The following ARHGAP42 variants were observed in gnomAD, a reference collection of about 807,000 sequenced individuals.
ARHGAP42 encodes the protein rho GTPase-activating protein 42.
A neutral mutation model predicts 125.0 loss-of-function variants in ARHGAP42; 63 were observed. The ratio of observed to expected loss-of-function variants is 0.50; its 90% CI spans 0.41 to 0.62. The LOEUF is 0.62. Ranked by LOEUF, ARHGAP42 falls within the 20% of genes least tolerant of loss-of-function variation. ARHGAP42 has a pLI of 0.00. For synonymous variants in ARHGAP42, 339 were observed against 351.0 expected (o/e 0.97, Z 0.38); for missense variants, 766 against 1,024.2 (o/e 0.75, Z 3.44).
At chr11:100,782,679 G>T (rs1283997568) in intron 2 of ARHGAP42, among the ~76,000 whole-genome samples, 1 of 152,090 alleles carries the variant, frequency 6.6e-6, no homozygotes, top group African/African-American at 2.4e-5. Flanking sequence ...AAAAAAAGAG[G>T]TGAATTTGGA....
At chr11:100,776,294 G>A (rs570949465) in intron 2 of ARHGAP42, among the ~76,000 whole-genome samples, 13 of 152,306 alleles carry the variant, frequency 8.5e-5, no homozygotes, top group East Asian at 1.9e-4. Context: ...GCGATTGTGC[G>A]TAAACAGCTT....
At chr11:100,857,088 A>C (rs968816493) in intron 3 of ARHGAP42, among the ~76,000 whole-genome samples, 25 of 152,140 alleles carry the variant, frequency 1.6e-4, no homozygotes, top group Non-Finnish European at 1.0e-4. Context: ...TTGACGCATT[A>C]GAAACACTCA....
intron 3 of ARHGAP42, among the ~76,000 whole-genome samples, chr11:100,813,780 G>A (rs1392814427): frequency 1.3e-5 from 2 of 152,074 alleles, no homozygotes; most frequent in Non-Finnish European, 2.9e-5. Context: ...GGTATATATT[G>A]CTATATTTTC....
chr11:100,817,464 C>CT (rs1016028330), intron 3 of ARHGAP42, among the ~76,000 whole-genome samples: 13 of 152,018 alleles, frequency 8.6e-5, no homozygotes, highest in Non-Finnish European at 1.5e-4. Context: ...TATCTTTATT[C>CT]TTTTTTGTGC....
chr11:100,750,637 T>C (rs994209442), intron 1 of ARHGAP42, among the ~76,000 whole-genome samples: 4 of 149,580 alleles, frequency 2.7e-5, no homozygotes, highest in Non-Finnish European at 4.4e-5. Context: ...TTAAAGAGAG[T>C]GATGGGGTGA....
At chr11:100,828,306 T>C (rs988138465) in intron 3 of ARHGAP42, among the ~76,000 whole-genome samples, 18 of 152,146 alleles carry the variant, frequency 1.2e-4, no homozygotes, top group Non-Finnish European at 1.5e-5. Context: ...GGAAGAACTC[T>C]TGTGGTTTTG....
intron 4 of ARHGAP42, among the ~76,000 whole-genome samples, chr11:100,908,225 T>G (rs940145513): frequency 6.6e-6 from 1 of 152,228 alleles, no homozygotes; most frequent in Admixed American, 6.5e-5. Context: ...TTATTTCTAT[T>G]TATGATTAAG....
At chr11:100,698,166 C>G (rs1484323579) in intron 1 of ARHGAP42, among the ~76,000 whole-genome samples, 1 of 152,176 alleles carries the variant, frequency 6.6e-6, no homozygotes, top group Non-Finnish European at 1.5e-5. Flanking sequence ...GTTGAGATTA[C>G]AGGCATGAAC....
At chr11:100,904,896 G>T (rs941635874) in intron 4 of ARHGAP42, among the ~76,000 whole-genome samples, 1 of 152,198 alleles carries the variant, frequency 6.6e-6, no homozygotes, top group African/African-American at 2.4e-5. Context: ...GTTCTGGTAT[G>T]CAAACTACTT....
intron 1 of ARHGAP42, among the ~76,000 whole-genome samples, chr11:100,707,872 C>T (rs1242922242): frequency 6.6e-6 from 1 of 152,154 alleles, no homozygotes; most frequent in East Asian, 1.9e-4. Context: ...TTTATTTCCT[C>T]CAGATAGCTG....
chr11:100,872,985 G>A (rs1565252626), intron 4 of ARHGAP42, among the ~76,000 whole-genome samples: 1 of 152,132 alleles, frequency 6.6e-6, no homozygotes, highest in Non-Finnish European at 1.5e-5. Flanking sequence ...CCTGAAGTAT[G>A]CCCATCATAT....
intron 4 of ARHGAP42, among the ~76,000 whole-genome samples, chr11:100,877,986 C>T (rs61890822): frequency 0.086 from 11,395 of 132,430 alleles, 554 homozygotes; most frequent in East Asian, 0.26. Flanking sequence ...GCCTGGGTGA[C>T]GCAGCGAGAC....
chr11:100,929,491 A>G (rs1330525743), intron 6 of ARHGAP42, among the ~76,000 whole-genome samples: 1 of 152,096 alleles, frequency 6.6e-6, no homozygotes, highest in Non-Finnish European at 1.5e-5. Context: ...CATCTGACGA[A>G]CTACCAAAAT....
intron 3 of ARHGAP42, among the ~76,000 whole-genome samples, chr11:100,806,602 A>AAAT (rs549268895): frequency 2.0e-3 from 311 of 151,942 alleles, no homozygotes; most frequent in African/African-American, 7.0e-3. Flanking sequence ...AAATTAAAAA[A>AAAT]AATAATAATA....
chr11:100,697,806 C>T (rs1861313096), intron 1 of ARHGAP42, among the ~76,000 whole-genome samples: 1 of 152,088 alleles, frequency 6.6e-6, no homozygotes, highest in Admixed American at 6.5e-5. Context: ...ATTTTCTCTT[C>T]TTCATTTATT....
chr11:100,758,181 C>G (rs562871773), intron 1 of ARHGAP42, among the ~76,000 whole-genome samples: 2 of 152,172 alleles, frequency 1.3e-5, no homozygotes, highest in African/African-American at 2.4e-5. Flanking sequence ...GTTTGTCACT[C>G]CATTTAAATT....
intron 1 of ARHGAP42, among the ~76,000 whole-genome samples, chr11:100,768,802 C>G (rs1002831994): frequency 2.0e-5 from 3 of 152,094 alleles, no homozygotes; most frequent in African/African-American, 7.2e-5. Context: ...AGTTCTAAAC[C>G]CTTTGCAAAT....
At chr11:100,754,019 GCTGCCT>G (rs1204348348) in intron 1 of ARHGAP42, among the ~76,000 whole-genome samples, 1 of 152,228 alleles carries the variant, frequency 6.6e-6, no homozygotes. Flanking sequence ...AGTGGCAGAG[GCTGCCT>G]CTAATCTGCT....
chr11:100,812,835 CTT>C (rs1292538286), intron 3 of ARHGAP42, among the ~76,000 whole-genome samples: 2 of 152,152 alleles, frequency 1.3e-5, no homozygotes, highest in Non-Finnish European at 2.9e-5. Context: ...ATGTAGGACT[CTT>C]TAGGCCTTGT....
Sources: gnomAD v4.1 joint callset for allele counts (sites outside exome capture counted in the v4.1 genomes callset) on GRCh38, gnomAD v4.1.1 for gene constraint, MANE v1.5 for transcripts, NCBI Gene and HGNC (gene_info 2026-07-23, HGNC 2026-07-21) for gene names.